CIB3: variants seen among roughly 807,000 people sequenced by gnomAD.
CIB3 encodes calcium and integrin-binding family member 3.
In CIB3, 22 loss-of-function variants were observed where a neutral mutation model predicts 23.4. The ratio of observed to expected loss-of-function variants is 0.94; its 90% CI spans 0.67 to 1.34. CIB3 has a LOEUF of 1.34. Among genes scored for constraint, CIB3 ranks in the 40% most tolerant of loss-of-function variants. The pLI, the probability that CIB3 is intolerant of heterozygous loss-of-function variation, is 0.00. For missense variants in CIB3, 258 were observed against 247.3 expected, an observed-to-expected ratio of 1.04 and a Z score of -0.29; for synonymous variants, 93 against 95.8, an observed-to-expected ratio of 0.97 and a Z score of 0.17.
intron 5 of CIB3, 71 bp downstream of exon 5, chr19:16,164,647 T>A (rs1481324255): frequency 7.3e-7 from 1 of 1,374,004 alleles, no homozygotes; most frequent in African/African-American, 1.4e-5. Flanking sequence ...AGAAACAGAG[T>A]CTGTGAACTG....
In CIB3 at chr19:16,168,187, C is replaced by T. The variant is rs537973819; in HGVS notation, c.296G>A (p.Ser99Asn). The T allele has an allele frequency of 4.3e-6, 7 of 1,612,536 alleles. No individual in the cohort carries two copies. Among genetic ancestry groups the T allele is most frequent in the African/African-American group, 1.3e-5 (1 of 74,914 alleles). Residue 99 changes from serine (S) to asparagine (N), a missense_variant, in exon 4 of 6, where the codon AGT (serine) becomes AAT (asparagine). By Grantham distance (46) the Ser-to-Asn change is conservative. Coordinates refer to ENST00000269878, the MANE Select transcript of CIB3 (RefSeq NM_054113.4). Reference sequence around the variant, plus strand: ...CTTGAGGTCGCGGGGAGCCATTTCACTCATCACGGAAAACATGTCCAAAAA... The same window carrying T: ...CTTGAGGTCGCGGGGAGCCATTTCATTCATCACGGAAAACATGTCCAAAAA... ...DNFLDMFSVM[S>N]EMAPRDLKAY... is the part of the protein sequence containing the mutation.
chr19:16,168,834 A>AT (rs2050336719), intron 3 of CIB3, among the ~76,000 whole-genome samples: 1 of 151,984 alleles, frequency 6.6e-6, no homozygotes, highest in South Asian at 2.1e-4. Context: ...CTGCCTCTGG[A>AT]TTTTTTTGTT....
chr19:16,168,271 C>A lies in CIB3; in HGVS notation c.212G>T (p.Arg71Leu). Residue 71 changes from arginine to leucine, a missense_variant, in exon 4 of 6, where the codon CGC becomes CTC. Transcript: ENST00000269878. ...AGAGAATACCTGGGCAATCCTCTGGCGGAAGGGGTTGTCCTGGGGACAGAA... is the reference window on the plus strand; with the variant it reads ...AGAGAATACCTGGGCAATCCTCTGGAGGAAGGGGTTGTCCTGGGGACAGAA... ...SMPELKDNPF[R>L]QRIAQVFSED... The A allele has an allele frequency of 1.9e-6, 3 of 1,613,824 alleles. No individual in the cohort carries two copies. Among genetic ancestry groups the A allele is most frequent in the African/African-American group, 2.7e-5 (2 of 75,058 alleles).
intron 3 of CIB3, 119 bp from the exon 4 acceptor site, chr19:16,168,403 C>T: frequency 7.4e-7 from 1 of 1,358,238 alleles, no homozygotes; most frequent in South Asian, 1.4e-5. Context: ...CATCAAGACC[C>T]ACTCCCTCCC....
At chr19:16,171,183 A>G (rs1416180781) in intron 2 of CIB3, among the ~76,000 whole-genome samples, 2 of 152,036 alleles carry the variant, frequency 1.3e-5, no homozygotes, top group Admixed American at 6.6e-5. Context: ...AAGAAAGAAA[A>G]GAAGAAAGAA....
intron 2 of CIB3, 68 bp from the exon 3 acceptor site, chr19:16,169,809 T>G: frequency 7.3e-7 from 1 of 1,376,186 alleles, no homozygotes; most frequent in Non-Finnish European, 9.8e-7. Context: ...TGTCCCTTCT[T>G]TGTTTTTTGA....
chr19:16,163,032 G>GGTGT (rs1256743311), intron 5 of CIB3, among the ~76,000 whole-genome samples: 3 of 151,332 alleles, frequency 2.0e-5, no homozygotes, highest in Non-Finnish European at 4.4e-5. Context: ...TGGGACTAGA[G>GGTGT]GTGTGCCCCA....
intron 2 of CIB3, among the ~76,000 whole-genome samples, chr19:16,171,801 C>T (rs1426171597): frequency 1.3e-5 from 2 of 152,198 alleles, no homozygotes; most frequent in Non-Finnish European, 2.9e-5. Context: ...TGCAAGCTGT[C>T]CTCACCCAAA....
intron 5 of CIB3, among the ~76,000 whole-genome samples, chr19:16,164,297 G>GT (rs901641702): frequency 1.2e-4 from 19 of 152,170 alleles, no homozygotes; most frequent in African/African-American, 4.6e-4. Context: ...TTCTTTGATT[G>GT]TTTTTTGATC....
chr19:16,161,543 TC>T (rs1307275620), intron 5 of CIB3, 57 bp from the exon 6 acceptor site: 14 of 1,591,908 alleles, frequency 8.8e-6, no homozygotes, highest in Middle Eastern at 1.7e-4. Flanking sequence ...CCCCTTTTCC[TC>T]CTCCCCCTCA....
intron 2 of CIB3, among the ~76,000 whole-genome samples, chr19:16,171,940 A>G (rs1219464958): frequency 1.3e-5 from 2 of 152,210 alleles, no homozygotes; most frequent in East Asian, 3.9e-4. Flanking sequence ...CTCCAAGTTC[A>G]TGGGTCGGGG....
chr19:16,170,626 G>C (rs1231486731), intron 2 of CIB3, among the ~76,000 whole-genome samples: 2 of 151,176 alleles, frequency 1.3e-5, no homozygotes, highest in South Asian at 2.1e-4. Flanking sequence ...TTCGAGACTA[G>C]CCTGGCCAAC....
intron 2 of CIB3, among the ~76,000 whole-genome samples, chr19:16,172,463 A>G (rs1252719895): frequency 6.6e-6 from 1 of 151,982 alleles, no homozygotes; most frequent in African/African-American, 2.4e-5. Context: ...CCTCAGGAGA[A>G]TCTTTCTAAC....
rs749243096 is a variant in CIB3 at position 16,169,639 on chromosome 19, G to A, written c.189C>T (p.Pro63=). The A allele has an allele frequency of 2.5e-5, 40 of 1,612,872 alleles. No homozygotes were observed. The highest frequency in any genetic ancestry group is 1.6e-4 in the Middle Eastern group (1 of 6,072). The change falls in exon 3 of 6, where the codon CCC becomes CCT. Residue 63 remains proline, a synonymous_variant. Coordinates refer to ENST00000269878, the MANE Select transcript of CIB3 (RefSeq NM_054113.4). ...KVPYELIGSM[P]ELKDNPFRQR... ...CATGGCCTGGGCATACCTTCAGCTC[G>A]GGCATGCTGCCAATGAGCTCGTAGG...
chr19:16,172,130 G>A (rs1166201906), intron 2 of CIB3, among the ~76,000 whole-genome samples: 2 of 152,228 alleles, frequency 1.3e-5, no homozygotes, highest in African/African-American at 4.8e-5. Flanking sequence ...CCAGCCTCAA[G>A]TCCCAGTCTC....
At chr19:16,161,759 C>G (rs1013011648) in intron 5 of CIB3, among the ~76,000 whole-genome samples, 3 of 136,642 alleles carry the variant, frequency 2.2e-5, no homozygotes, top group Non-Finnish European at 4.6e-5. Context: ...CTCACTGCAA[C>G]CTCTGCCTCC....
intron 2 of CIB3, 82 bp from the exon 3 acceptor site, chr19:16,169,823 A>G (rs2003419): frequency 0.73 from 879,083 of 1,207,188 alleles, 323,393 homozygotes; most frequent in East Asian, 0.94. Flanking sequence ...TTTTTGAGAC[A>G]GAGTCTCGGT....
intron 3 of CIB3, 123 bp downstream of exon 3, chr19:16,169,507 C>T: frequency 1.1e-6 from 1 of 877,470 alleles, no homozygotes; most frequent in Non-Finnish European, 1.8e-6. Flanking sequence ...AGTGTCTTAA[C>T]CTCTCTGAGT....
chr19:16,164,889 C>T lies in CIB3; in HGVS notation c.371G>A (p.Cys124Tyr). 1.2e-6 allele frequency: 2 copies of T among 1,614,128 alleles called. No homozygotes were observed. The highest frequency in any genetic ancestry group is 1.7e-6 in the Non-Finnish European group (2 of 1,180,008). The change falls in exon 5 of 6, where the codon TGT (cysteine) becomes TAT (tyrosine). Residue 124 changes from cysteine (C) to tyrosine (Y), a missense_variant. Transcript: ENST00000269878. ...IYDFNNDDYI[C>Y]AWDLEQTVTK... ...CACCGTCTGCTCCAGGTCCCACGCA[C>T]AAATGTAGTCGTCGTTGTTAAAATC... is the stretch of plus-strand genomic sequence containing the variant.
Sources: gnomAD v4.1 joint callset for allele counts (sites outside exome capture counted in the v4.1 genomes callset) on GRCh38, gnomAD v4.1.1 for gene constraint, MANE v1.5 for transcripts, NCBI Gene and HGNC (gene_info 2026-07-23, HGNC 2026-07-21) for gene names.